The following POLR2B variants were observed in gnomAD, a reference collection of about 807,000 sequenced individuals.
POLR2B encodes RNA polymerase II subunit B.
In POLR2B, 57 loss-of-function variants were observed where a neutral mutation model predicts 144.6. That is an observed-to-expected ratio of 0.39 (90% CI 0.32 to 0.49). The LOEUF is 0.49. Ranked by LOEUF, POLR2B falls within the 20% of genes least tolerant of loss-of-function variation. The probability of loss-of-function intolerance (pLI) is 0.83; values close to 1 mark genes in which losing one functional copy is unlikely to be tolerated. For synonymous variants in POLR2B, 442 were observed against 469.8 expected (o/e 0.94, Z 0.77); for missense variants, 595 against 1,467.4 (o/e 0.41, Z 9.71).
intron 1 of POLR2B, among the ~76,000 whole-genome samples, chr4:56,980,814 T>C (rs1002358388): frequency 7.0e-6 from 1 of 143,318 alleles, no homozygotes; most frequent in Non-Finnish European, 1.5e-5. Context: ...CCACAGTTTC[T>C]TTTTTTTTTT....
rs1722610812 is a variant in POLR2B at position 56,994,255 on chromosome 4, G to A, written c.244-149G>A. 7 of 584,354 alleles carry A rather than the reference G, an allele frequency of 1.2e-5. No homozygotes were observed. The South Asian group carries it at 1.6e-4, about 13-fold the overall frequency. The allele number at this position is 584,354 out of a possible 1,614,324, so 36.2% of individuals were successfully genotyped here. A position where few individuals can be genotyped will look rare whatever the true frequency, so the allele number is the denominator to read the frequency against. ...TCTATGCAATATGGATATTGACTTT[G>A]GGAAGTCCCCATTTCAGTAAAATGG... On this transcript the variant is annotated intron_variant, in intron 3 of 24. Coordinates refer to ENST00000314595, the MANE Select transcript of POLR2B (RefSeq NM_000938.3).
At chr4:57,027,400 C>T (rs1412518885) in intron 23 of POLR2B, among the ~76,000 whole-genome samples, 1 of 151,956 alleles carries the variant, frequency 6.6e-6, no homozygotes, top group Non-Finnish European at 1.5e-5. Flanking sequence ...CTCTACTTTC[C>T]AGGCTCAGGT....
At chr4:56,992,136 G>T (rs1213545116) in intron 3 of POLR2B, among the ~76,000 whole-genome samples, 1 of 152,170 alleles carries the variant, frequency 6.6e-6, no homozygotes, top group East Asian at 1.9e-4. Context: ...AACTCTCTTA[G>T]AAGAGAAAAG....
At chr4:57,002,330 C>T (rs928025845) in intron 7 of POLR2B, among the ~76,000 whole-genome samples, 2 of 152,004 alleles carry the variant, frequency 1.3e-5, no homozygotes, top group African/African-American at 4.8e-5. Flanking sequence ...TGTCCAGGCC[C>T]GACCTGGAGT....
Position 56,994,866 on chromosome 4 carries a change from G to T in POLR2B, c.576G>T (p.Lys192Asn). The change falls in exon 5 of 25, where the codon AAG becomes AAT. Residue 192 changes from lysine (K) to asparagine (N), a missense_variant and splice_region_variant. By Grantham distance (94) the Lys-to-Asn change is moderately conservative. This residue lies in a region of POLR2B where 251 missense variants were observed against 567.3 expected (regional missense o/e 0.44). Coordinates refer to ENST00000314595, the MANE Select transcript of POLR2B (RefSeq NM_000938.3). The part of the protein sequence containing the change: ...GGYFIINGSE[K>N]VLIAQEKMAT... ...ATTTCATTATTAATGGATCAGAAAA[G>T]GTATAGTAACATTATTTTAAAAAAT... 1 of 1,491,352 alleles carries T rather than the reference G, an allele frequency of 6.7e-7. No homozygotes were observed. The highest frequency in any genetic ancestry group is 1.4e-5 in the African/African-American group (1 of 70,942). 92.4% of individuals were successfully genotyped at this position (1,491,352 alleles called of 1,614,324 possible).
Position 57,016,627 on chromosome 4 carries a change from TATA to T in POLR2B, c.1956-411_1956-409del, listed in dbSNP as rs200812895. On this transcript the variant is annotated intron_variant, in intron 14 of 24. Coordinates refer to ENST00000314595, the MANE Select transcript of POLR2B (RefSeq NM_000938.3). The stretch of plus-strand genomic sequence containing the variant: ...TATAATATGACAATAATATGAATAA[TATA>T]ATAAGAAATTTAGTAAAAAGATGAA... Among the ~76,000 whole-genome samples the T allele has an allele frequency of 2.4e-3, 348 of 146,108 alleles. 3 individuals carry two copies. Among genetic ancestry groups the T allele is most frequent in the East Asian group, 9.0e-3 (39 of 4,332 alleles).
At chr4:57,020,789 A>G in intron 16 of POLR2B, 110 bp from the exon 17 acceptor site, 1 of 747,316 alleles carries the variant, frequency 1.3e-6, no homozygotes. Flanking sequence ...ATGATAACAA[A>G]CACCCAAGCA....
At chr4:56,996,206 A>ATGTGTGTGTGTGTGTGTGTGTGTGTG (rs59059584) in intron 6 of POLR2B, among the ~76,000 whole-genome samples, 21 of 115,330 alleles carry the variant, frequency 1.8e-4, no homozygotes, top group Non-Finnish European at 2.9e-4. Context: ...ATTTCAGTTC[A>ATGTGTGTGTGTGTGTGTGTGTGTGTG]TGTGTGTGTG....
chr4:57,005,511 C>CA (rs1722988840), intron 8 of POLR2B, 69 bp downstream of exon 8: 4 of 1,482,856 alleles, frequency 2.7e-6, no homozygotes, highest in Non-Finnish European at 3.6e-6. Context: ...TTCTTAGAGT[C>CA]AAAAATGATG....
At position 57,023,242 on chromosome 4, in the gene POLR2B, C is replaced by G; in HGVS notation, c.2516-88C>G. 1 of 1,277,692 alleles carries G rather than the reference C, an allele frequency of 7.8e-7. No individual in the cohort carries two copies. The highest frequency in any genetic ancestry group is 1.3e-5 in the South Asian group (1 of 74,622). 79.1% of individuals were successfully genotyped at this position (1,277,692 alleles called of 1,614,324 possible). A position where few individuals can be genotyped will look rare whatever the true frequency, so the allele number is the denominator to read the frequency against. ...ATTCATGGTATAGAGACTCCTGTGG[C>G]CTTCTCTCTGACTTGGAACTGATTC... On this transcript the variant is annotated intron_variant, in intron 18 of 24. Transcript: ENST00000314595. This position sits in a 1 kb window ranked among gnomAD's most constrained non-coding sequence, Gnocchi z 4.3.
At chr4:57,030,858 C>T in intron 24 of POLR2B, 41 bp from the exon 25 acceptor site, 1 of 1,180,854 alleles carries the variant, frequency 8.5e-7, no homozygotes, top group Non-Finnish European at 1.3e-6. Flanking sequence ...GGGGTCACTT[C>T]AATACAATTC....
At chr4:57,022,115 G>T (rs765385746) in intron 17 of POLR2B, 37 bp from the exon 18 acceptor site, 33 of 1,279,858 alleles carry the variant, frequency 2.6e-5, no homozygotes, top group Non-Finnish European at 3.7e-5. Flanking sequence ...TTTGTTAAAA[G>T]AAAATAGACT....
Position 57,025,616 on chromosome 4 carries a change from G to A in POLR2B, c.3239+79G>A, listed in dbSNP as rs1578594514. On this transcript the variant is annotated intron_variant, in intron 23 of 24. Coordinates refer to ENST00000314595, the MANE Select transcript of POLR2B (RefSeq NM_000938.3). Reference sequence around the variant, plus strand: ...GTCAACACACCAAAATGGAGATAGTGGTATAGTGAATGCCTGTGTGCCTGT... The same window carrying A: ...GTCAACACACCAAAATGGAGATAGTAGTATAGTGAATGCCTGTGTGCCTGT... 1.3e-5 allele frequency: 12 copies of A among 953,304 alleles called. No homozygotes were observed. The East Asian group carries it at 3.1e-4, about 24-fold the overall frequency. 59.1% of individuals were successfully genotyped at this position (953,304 alleles called of 1,614,324 possible). A position where few individuals can be genotyped will look rare whatever the true frequency, so the allele number is the denominator to read the frequency against.
At position 56,994,699 on chromosome 4, in the gene POLR2B, G is replaced by A. The variant is rs1201678058; in HGVS notation, c.409G>A (p.Glu137Lys). 2 of 1,613,650 alleles carry A rather than the reference G, an allele frequency of 1.2e-6. No homozygotes were observed. Among genetic ancestry groups the A allele is most frequent in the East Asian group, 2.2e-5 (1 of 44,858 alleles). Residue 137 changes from glutamate to lysine, a missense_variant, in exon 5 of 25, where the codon GAA becomes AAA. By Grantham distance (56) the Glu-to-Lys change is moderately conservative (BLOSUM62 1). Around this residue, in one of 9 missense-constraint regions of POLR2B, gnomAD observed 251 missense variants for 567.3 expected, o/e 0.44. Transcript: ENST00000314595. ...AACAAAAACAGTCATTAAAGAAGGT[G>A]AAGAACAACTTCAGACTCAGCATCA... Reference protein sequence around the residue: ...DITKTVIKEGEEQLQTQHQKT... With the variant: ...DITKTVIKEGKEQLQTQHQKT...
chr4:56,994,229 G>A (rs779674165), intron 3 of POLR2B, among the ~76,000 whole-genome samples, 175 bp from the exon 4 acceptor site: 1 of 152,148 alleles, frequency 6.6e-6, no homozygotes, highest in Non-Finnish European at 1.5e-5. Context: ...AAAACTTAAC[G>A]TCTATGCAAT....
intron 1 of POLR2B, among the ~76,000 whole-genome samples, chr4:56,981,253 C>G (rs201591745): frequency 6.6e-5 from 10 of 151,910 alleles, no homozygotes; most frequent in African/African-American, 9.7e-5. Context: ...ATCGCGCCCC[C>G]CCTCCCGTGT....
intron 7 of POLR2B, among the ~76,000 whole-genome samples, chr4:57,003,166 T>G (rs1436886452): frequency 1.3e-5 from 2 of 152,242 alleles, no homozygotes; most frequent in East Asian, 3.8e-4. Flanking sequence ...GTGCGGTGGC[T>G]CACGCCTGTA....
rs1400248742 is a variant in POLR2B, at chr4:56,981,419, A to G, written c.19+2415A>G. 2.0e-5 allele frequency among the ~76,000 whole-genome samples: 3 copies of G among 152,234 alleles called. No individual in the cohort carries two copies. The East Asian group carries it at 5.8e-4, about 29-fold the overall frequency. On this transcript the variant is annotated intron_variant, in intron 1 of 24. Coordinates refer to ENST00000314595, the MANE Select transcript of POLR2B (RefSeq NM_000938.3). Reference sequence around the variant, plus strand: ...TTGCCCAAGTATGTCTGTGGGATACATTTCTACATATAAAATTGTCAGGTC... The same window carrying G: ...TTGCCCAAGTATGTCTGTGGGATACGTTTCTACATATAAAATTGTCAGGTC...
chr4:57,008,811 A>G (rs1723103997), intron 10 of POLR2B, among the ~76,000 whole-genome samples: 1 of 152,218 alleles, frequency 6.6e-6, no homozygotes, highest in African/African-American at 2.4e-5. Context: ...CCAGCAGCTC[A>G]TAAGAGAGCT....
Sources: allele counts gnomAD v4.1 joint callset (sites outside exome capture counted in the v4.1 genomes callset), GRCh38; gene constraint gnomAD v4.1.1; regional missense constraint gnomAD v4.1.1; non-coding constraint Gnocchi (gnomAD v3.1); transcripts MANE v1.5; gene names NCBI Gene and HGNC (gene_info 2026-07-23, HGNC 2026-07-21).